MUC6: variants seen among roughly 807,000 people sequenced by gnomAD.
MUC6 encodes mucin 6, oligomeric mucus/gel-forming (gene/pseudogene).
MUC6 carries 188 observed loss-of-function variants against 201.5 expected under a neutral mutation model. The ratio of observed to expected loss-of-function variants is 0.93; its 90% confidence interval spans 0.83 to 1.05. The LOEUF (loss-of-function observed/expected upper bound fraction) is 1.05, where lower values mean the gene tolerates loss of function less well. Among genes scored for constraint, MUC6 ranks in the 50% least tolerant of loss-of-function variants. MUC6 has a pLI of 0.00. For synonymous variants in MUC6, 1,228 were observed against 1,389.4 expected, an observed-to-expected ratio of 0.88 and a Z score of 2.58; for missense variants, 2,706 against 3,256.9, an observed-to-expected ratio of 0.83 and a Z score of 4.12.
chr11:1,023,590 G>A lies in MUC6; in HGVS notation c.3445C>T (p.Gln1149Ter), dbSNP rs749514814. The A allele has an allele frequency of 2.5e-6, 4 of 1,613,062 alleles. No individual in the cohort carries two copies. Among genetic ancestry groups the A allele is most frequent in the South Asian group, 2.2e-5 (2 of 90,918 alleles). ...QDGHGEYQYTQEANCTWHYQP... is the reference protein window; with the variant it reads ...QDGHGEYQYT Reference sequence around the variant, plus strand: ...TAGTGCCACGTGCAGTTGGCCTCCTGTGTGTACTGGTACTCGCCATGGCCG... The same window carrying A: ...TAGTGCCACGTGCAGTTGGCCTCCTATGTGTACTGGTACTCGCCATGGCCG... The change falls in exon 26 of 33, where the codon CAG becomes TAG. Residue 1149 changes from glutamine (Q) to a stop codon, truncating the protein, a stop_gained. Coordinates refer to ENST00000421673, the MANE Select transcript of MUC6 (RefSeq NM_005961.3). LOFTEE classifies it high-confidence loss of function.
In MUC6 at chr11:1,031,212, C is replaced by T; in HGVS notation, c.531G>A (p.Gly177=). Residue 177 remains glycine, a synonymous_variant, in exon 5 of 33, where the codon GGG becomes GGA. Transcript: ENST00000421673. The stretch of plus-strand genomic sequence containing the variant: ...CGTTGGTCACCTTCCCGTCAAAGTT[C>T]CCGCAGAGCCCGCACATCTGACCCA... ...KYMGQMCGLC[G]NFDGKVTNEF... The T allele has an allele frequency of 6.4e-7, 1 of 1,569,556 alleles. No homozygotes were observed. The highest frequency in any genetic ancestry group is 8.6e-7 in the Non-Finnish European group (1 of 1,157,318).
chr11:1,030,550 C>A, intron 7 of MUC6, 23 bp downstream of exon 7: 1 of 1,475,350 alleles, frequency 6.8e-7, no homozygotes, highest in East Asian at 2.5e-5. Flanking sequence ...TCCTGCCCCT[C>A]CCTCTCCCTT....
rs756335837 is a variant in MUC6 at position 1,031,003 on chromosome 11, C to T, written c.628G>A (p.Gly210Ser). ...ATGTCCTGGAAGGTGCAGATCTCGC[C>T]GGGGTCGTCCAGCTTCTGGAGGGCA... Reference protein sequence around the residue: ...FAALQKLDDPGEICTFQDIPS... With the variant: ...FAALQKLDDPSEICTFQDIPS... The change falls in exon 6 of 33, where the codon GGC (glycine) becomes AGC (serine). Residue 210 changes from glycine to serine, a missense_variant. Gly to Ser is a moderately conservative substitution (Grantham distance 56). Around this residue, in one of 10 missense-constraint regions of MUC6, gnomAD observed 1,850 missense variants for 1,958.3 expected, o/e 0.94. Transcript: ENST00000421673. 9.7e-6 allele frequency: 15 copies of T among 1,545,106 alleles called. No individual in the cohort carries two copies. Among genetic ancestry groups the T allele is most frequent in the East Asian group, 4.8e-5 (2 of 41,338 alleles).
In MUC6 at chr11:1,015,872, G is replaced by A. The variant is rs774188866; in HGVS notation, c.6929C>T (p.Pro2310Leu). The A allele has an allele frequency of 6.2e-7, 1 of 1,608,528 alleles. No homozygotes were observed. Among genetic ancestry groups the A allele is most frequent in the South Asian group, 1.1e-5 (1 of 90,042 alleles). ...VTNLTTRHPG[P>L]TLSPTTRFLT... ...GAACCGTGTGGTAGGCGACAAGGTG[G>A]GACCAGGGTGCCTGGTGGTAAGGTT... The change falls in exon 31 of 33, where the codon CCC (proline) becomes CTC (leucine). Residue 2310 changes from proline (P) to leucine (L), a missense_variant. This residue lies in a region of MUC6 where 586 missense variants were observed against 488.0 expected (regional missense o/e 1.20). Coordinates refer to ENST00000421673, the MANE Select transcript of MUC6 (RefSeq NM_005961.3).
In MUC6 at chr11:1,033,163, T is replaced by C; in HGVS notation, c.53-88A>G. 1 of 1,327,128 alleles carries C rather than the reference T, an allele frequency of 7.5e-7. No individual in the cohort carries two copies. Among genetic ancestry groups the C allele is most frequent in the East Asian group, 2.3e-5 (1 of 43,046 alleles). 82.2% of individuals were successfully genotyped at this position (1,327,128 alleles called of 1,614,324 possible). A position where few individuals can be genotyped will look rare whatever the true frequency, so the allele number is the denominator to read the frequency against. On this transcript the variant is annotated intron_variant, in intron 1 of 32. Transcript: ENST00000421673. The surrounding 1 kb of genome is among the most constrained non-coding windows in gnomAD (Gnocchi z 5.6). ...CCTCTGCTCAGGGCTGCTCCGCCCG[T>C]TTCCCTGCACACACTCGGCGTGCGA...
At chr11:1,022,239 T>C (rs1177345347) in intron 26 of MUC6, among the ~76,000 whole-genome samples, 16 of 121,406 alleles carry the variant, frequency 1.3e-4, no homozygotes, top group African/African-American at 4.2e-4. Context: ...CTCACTCGCT[T>C]GCTCTGCCCT....
chr11:1,025,370 G>A lies in MUC6; in HGVS notation c.2800-3C>T, dbSNP rs1353674345. 1 of 1,606,836 alleles carries A rather than the reference G, an allele frequency of 6.2e-7. No homozygotes were observed. Among genetic ancestry groups the A allele is most frequent in the African/African-American group, 1.3e-5 (1 of 74,856 alleles). ...TCCGCCAGCACCACGGACAGGCCCT[G>A]TGGGGTGGGGTTGGCATAGGACTGC... On this transcript the variant is annotated splice_polypyrimidine_tract_variant and splice_region_variant and intron_variant, in intron 22 of 32. Coordinates refer to ENST00000421673, the MANE Select transcript of MUC6 (RefSeq NM_005961.3).
chr11:1,035,593 C>T (rs1189110702), intron 1 of MUC6, among the ~76,000 whole-genome samples: 7 of 145,422 alleles, frequency 4.8e-5, no homozygotes, highest in East Asian at 4.4e-4. Context: ...ACATCTCCCA[C>T]GGTTGAAGGG....
Position 1,028,668 on chromosome 11 carries a change from G to T in MUC6, c.1569C>A (p.Pro523=), listed in dbSNP as rs1343399393. The part of the protein sequence containing the change: ...PIFQAYVTVG[P]QFRGQTRGLC... Reference sequence around the variant, plus strand: ...CACCTCTGGTCTGACCTCTGAACTGGGGCCCAACAGTGACATAGGCCTGGA... The same window carrying T: ...CACCTCTGGTCTGACCTCTGAACTGTGGCCCAACAGTGACATAGGCCTGGA... Residue 523 remains proline, a synonymous_variant, in exon 13 of 33, where the codon CCC becomes CCA. Transcript: ENST00000421673. 4 of 1,609,616 alleles carry T rather than the reference G, an allele frequency of 2.5e-6. No homozygotes were observed. The highest frequency in any genetic ancestry group is 3.4e-6 in the Non-Finnish European group (4 of 1,178,676).
In MUC6 at chr11:1,032,071, C is replaced by T; in HGVS notation, c.116-18G>A. 6.2e-7 allele frequency: 1 copy of T among 1,611,214 alleles called. No individual in the cohort carries two copies. Among genetic ancestry groups the T allele is most frequent in the Non-Finnish European group, 8.5e-7 (1 of 1,178,734 alleles). On this transcript the variant is annotated intron_variant, in intron 2 of 32. Coordinates refer to ENST00000421673, the MANE Select transcript of MUC6 (RefSeq NM_005961.3). Reference sequence around the variant, plus strand: ...GTCCGGGGCTACAGAGAGAGCAGTGCTCACACAGCCCTGTGTCCCCACCAT... The same window carrying T: ...GTCCGGGGCTACAGAGAGAGCAGTGTTCACACAGCCCTGTGTCCCCACCAT...
Position 1,033,116 on chromosome 11 carries a change from T to C in MUC6, c.53-41A>G. On this transcript the variant is annotated intron_variant, in intron 1 of 32. Transcript: ENST00000421673. The surrounding 1 kb of genome is among the most constrained non-coding windows in gnomAD (Gnocchi z 5.6). ...CCGCAGTCGGTGTGGGGCTACCCCGTCGTCCCTGAGGGCGCCGCTCACCTC... is the reference window on the plus strand; with the variant it reads ...CCGCAGTCGGTGTGGGGCTACCCCGCCGTCCCTGAGGGCGCCGCTCACCTC... 6.2e-7 allele frequency: 1 copy of C among 1,602,644 alleles called. No homozygotes were observed. Among genetic ancestry groups the C allele is most frequent in the Non-Finnish European group, 8.5e-7 (1 of 1,169,996 alleles).
At chr11:1,030,386 C>G in intron 7 of MUC6, 51 bp from the exon 8 acceptor site, 1 of 1,516,342 alleles carries the variant, frequency 6.6e-7, no homozygotes, top group Non-Finnish European at 8.9e-7. Context: ...CCCACCCCTC[C>G]CTGCCCCACC....
In MUC6 at chr11:1,026,014, A is replaced by G. The variant is rs756604012; in HGVS notation, c.2674T>C (p.Tyr892His). The change falls in exon 21 of 33, where the codon TAC (tyrosine) becomes CAC (histidine). Residue 892 changes from tyrosine (Y) to histidine (H), a missense_variant. Physicochemically the swap from Tyr to His is moderately conservative, Grantham distance 83. Around this residue, in one of 10 missense-constraint regions of MUC6, gnomAD observed 1,850 missense variants for 1,958.3 expected, o/e 0.94. Coordinates refer to ENST00000421673, the MANE Select transcript of MUC6 (RefSeq NM_005961.3). ...CCGATGGTTACCGTGGCCAGGATGT[A>G]CTCGCAGTTGCCGTCGAATACGAAG... ...QRFVFDGNCE[Y>H]ILATDVCGVN... 3.8e-6 allele frequency: 6 copies of G among 1,587,424 alleles called. No homozygotes were observed. The highest frequency in any genetic ancestry group is 1.1e-5 in the South Asian group (1 of 87,424).
At chr11:1,021,097 A>T in intron 27 of MUC6, 118 bp downstream of exon 27, 1 of 1,001,298 alleles carries the variant, frequency 1.0e-6, no homozygotes, top group African/African-American at 1.7e-5. Context: ...GGAGTCCCAG[A>T]GCTCACGTAA....
chr11:1,033,742 C>G lies in MUC6; in HGVS notation c.53-667G>C, dbSNP rs562442868. The stretch of plus-strand genomic sequence containing the variant: ...GGGGCCAACACCCCCCACGTCCCAC[C>G]CCCTGTACCCAGAGGGAGACTTTTC... On this transcript the variant is annotated intron_variant, in intron 1 of 32. Transcript: ENST00000421673. The surrounding 1 kb of genome is among the most constrained non-coding windows in gnomAD (Gnocchi z 5.6). Among the ~76,000 whole-genome samples the G allele has an allele frequency of 6.6e-6, 1 of 152,016 alleles. No homozygotes were observed. Among genetic ancestry groups the G allele is most frequent in the African/African-American group, 2.4e-5 (1 of 41,382 alleles).
rs1856885492 is a variant in MUC6 at position 1,023,938 on chromosome 11, G to T, written c.3382+9C>A. 1 of 1,610,978 alleles carries T rather than the reference G, an allele frequency of 6.2e-7. No individual in the cohort carries two copies. The highest frequency in any genetic ancestry group is 8.5e-7 in the Non-Finnish European group (1 of 1,178,964). ...GCTGGAGCAACCTGTGGGAGGGGTG[G>T]TCACTCACGGCAGAAGGCCGGGGTC... On this transcript the variant is annotated intron_variant, in intron 25 of 32. Coordinates refer to ENST00000421673, the MANE Select transcript of MUC6 (RefSeq NM_005961.3).
chr11:1,013,924 C>G lies in MUC6; in HGVS notation c.7117G>C (p.Glu2373Gln). The change falls in exon 32 of 33, where the codon GAG becomes CAG. Residue 2373 changes from glutamate (E) to glutamine (Q), a missense_variant. This residue lies in a region of MUC6 where 586 missense variants were observed against 488.0 expected (regional missense o/e 1.20). Coordinates refer to ENST00000421673, the MANE Select transcript of MUC6 (RefSeq NM_005961.3). ...CTGGCAGCGGAAATGCAGGCGCCCT[C>G]ACAGCGGGTTACCGTCACGTTCGCC... Reference protein sequence around the residue: ...CMANVTVTRCEGACISAASFN... With the variant: ...CMANVTVTRCQGACISAASFN... 9 of 1,607,214 alleles carry G rather than the reference C, an allele frequency of 5.6e-6. No individual in the cohort carries two copies. The highest frequency in any genetic ancestry group is 7.6e-6 in the Non-Finnish European group (9 of 1,177,556).
intron 1 of MUC6, among the ~76,000 whole-genome samples, chr11:1,035,350 C>T (rs1159792500): frequency 6.6e-6 from 1 of 152,230 alleles, no homozygotes; most frequent in African/African-American, 2.4e-5. Context: ...GGGTCGCACT[C>T]TGCTGCAAGT....
In MUC6 at chr11:1,036,527, G is replaced by A. The variant is rs1400169224; in HGVS notation, c.52+77C>T. ...TGTGGGCCAGCCGAGTTGTCGAGGC[G>A]AGAAGGCCCAGAGACCCCCGCACAC... On this transcript the variant is annotated intron_variant, in intron 1 of 32. Transcript: ENST00000421673. 3.5e-5 allele frequency: 52 copies of A among 1,489,344 alleles called. No homozygotes were observed. In the East Asian group the frequency reaches 5.2e-4, roughly 15 times the overall value. The allele number at this position is 1,489,344 out of a possible 1,614,324, so 92.3% of individuals were successfully genotyped here. A position where few individuals can be genotyped will look rare whatever the true frequency, so the allele number is the denominator to read the frequency against.
Sources: gnomAD v4.1 joint callset for allele counts (sites outside exome capture counted in the v4.1 genomes callset) on GRCh38, gnomAD v4.1.1 for gene constraint, gnomAD v4.1.1 regional missense constraint, Gnocchi (gnomAD v3.1) non-coding constraint, MANE v1.5 for transcripts, NCBI Gene and HGNC (gene_info 2026-07-23, HGNC 2026-07-21) for gene names.